Variants in GALNT18 observed in about 807,000 individuals in gnomAD.
The protein encoded by GALNT18 is polypeptide N-acetylgalactosaminyltransferase 18.
Under a neutral mutation model 69.5 loss-of-function variants are expected in GALNT18, and 44 were observed. The observed-to-expected ratio is 0.63, with a 90% CI of 0.50 to 0.81. The LOEUF (loss-of-function observed/expected upper bound fraction) is 0.81, where lower values mean the gene tolerates loss of function less well. GALNT18 is among the 40% of genes least tolerant of loss of function. GALNT18 has a pLI of 0.00. For synonymous variants in GALNT18, 364 were observed against 318.2 expected (o/e 1.14, Z -1.53); for missense variants, 715 against 810.0 (o/e 0.88, Z 1.42).
intron 1 of GALNT18, among the ~76,000 whole-genome samples, chr11:11,452,450 C>A (rs906246466): frequency 6.6e-6 from 1 of 152,222 alleles, no homozygotes; most frequent in Non-Finnish European, 1.5e-5. Flanking sequence ...CCGCACAAAG[C>A]CCACAGCCCT....
At chr11:11,607,551 A>G (rs528256277) in intron 1 of GALNT18, among the ~76,000 whole-genome samples, 1 of 152,370 alleles carries the variant, frequency 6.6e-6, no homozygotes, top group South Asian at 2.1e-4. Flanking sequence ...ATGTATATCA[A>G]AATTATATCA....
intron 2 of GALNT18, among the ~76,000 whole-genome samples, chr11:11,433,263 T>C (rs899927495): frequency 6.6e-6 from 1 of 152,208 alleles, no homozygotes; most frequent in African/African-American, 2.4e-5. Flanking sequence ...TACTTCCCTT[T>C]ACTCCAGAAG....
In GALNT18 at chr11:11,432,354, C is replaced by T. The variant is rs770345587; in HGVS notation, c.595+267G>A. ...TGGTAGGGTAGGAGGTCAGGGCCTT[C>T]TATCTTATCTATTGCACTGGAATAT... On this transcript the variant is annotated intron_variant, in intron 3 of 10. Transcript: ENST00000227756. The surrounding 1 kb of genome is among the most constrained non-coding windows in gnomAD (Gnocchi z 5.8). Among the ~76,000 whole-genome samples the T allele has an allele frequency of 6.6e-6, 1 of 152,186 alleles. No homozygotes were observed. The highest frequency in any genetic ancestry group is 1.5e-5 in the Non-Finnish European group (1 of 68,032).
At position 11,435,800 on chromosome 11, in the gene GALNT18, G is replaced by T. The variant is rs562328750; in HGVS notation, c.429-3013C>A. Among the ~76,000 whole-genome samples the T allele has an allele frequency of 6.6e-6, 1 of 152,186 alleles. No individual in the cohort carries two copies. The highest frequency in any genetic ancestry group is 1.5e-5 in the Non-Finnish European group (1 of 67,996). ...AGAGTCAGGTCCCGGTCCTCCCGCCGACCAGCAGGCTCCTGTTCTCCCATC... is the reference window on the plus strand; with the variant it reads ...AGAGTCAGGTCCCGGTCCTCCCGCCTACCAGCAGGCTCCTGTTCTCCCATC... On this transcript the variant is annotated intron_variant, in intron 2 of 10. Coordinates refer to ENST00000227756, the MANE Select transcript of GALNT18 (RefSeq NM_198516.3). The surrounding 1 kb of genome is among the most constrained non-coding windows in gnomAD (Gnocchi z 4.4).
intron 3 of GALNT18, among the ~76,000 whole-genome samples, chr11:11,420,175 C>T (rs1854970004): frequency 6.6e-6 from 1 of 151,828 alleles, no homozygotes; most frequent in Admixed American, 6.6e-5. Flanking sequence ...AACTGGCTTC[C>T]CAGTCACCAC....
intron 10 of GALNT18, among the ~76,000 whole-genome samples, chr11:11,274,126 G>T (rs1233162824): frequency 6.6e-6 from 1 of 152,170 alleles, no homozygotes; most frequent in Non-Finnish European, 1.5e-5. Context: ...GTGAGAGAGT[G>T]TACCGGGAGG....
intron 1 of GALNT18, among the ~76,000 whole-genome samples, chr11:11,515,484 G>T (rs1264425649): frequency 6.6e-6 from 1 of 152,188 alleles, no homozygotes; most frequent in Non-Finnish European, 1.5e-5. Context: ...CCACCTGTCA[G>T]CCTCAATGAG....
At chr11:11,416,983 A>G (rs1854881092) in intron 3 of GALNT18, among the ~76,000 whole-genome samples, 3 of 152,304 alleles carry the variant, frequency 2.0e-5, no homozygotes, top group Middle Eastern at 6.8e-3. Flanking sequence ...CCCTTCCTCT[A>G]TGTGACTCCT....
intron 10 of GALNT18, among the ~76,000 whole-genome samples, chr11:11,276,053 C>T (rs546411763): frequency 4.6e-5 from 7 of 152,176 alleles, no homozygotes; most frequent in Non-Finnish European, 1.0e-4. Flanking sequence ...AAGTAGTTTT[C>T]TCTAACTCTG....
rs1329751233 is a variant in GALNT18, at chr11:11,604,860, A to G, written c.235+16499T>C. 6.6e-6 allele frequency among the ~76,000 whole-genome samples: 1 copy of G among 152,018 alleles called. No individual in the cohort carries two copies. The highest frequency in any genetic ancestry group is 2.4e-5 in the African/African-American group (1 of 41,386). On this transcript the variant is annotated intron_variant, in intron 1 of 10. Transcript: ENST00000227756. This position sits in a 1 kb window ranked among gnomAD's most constrained non-coding sequence, Gnocchi z 5.6. ...GTCCCCCACACCCCAAAGGCTACAC[A>G]ATCTGTTTGAAATGAAAAGGAAAAT... is the stretch of plus-strand genomic sequence containing the variant.
At position 11,460,876 on chromosome 11, in the gene GALNT18, A is replaced by G. The variant is rs1032855562; in HGVS notation, c.236-11940T>C. On this transcript the variant is annotated intron_variant, in intron 1 of 10. Coordinates refer to ENST00000227756, the MANE Select transcript of GALNT18 (RefSeq NM_198516.3). ...GAACCCTCTGAGAAAAAATGTTAAA[A>G]TTGTTTTTCTTTATAAACTACCCAG... Among the ~76,000 whole-genome samples the G allele has an allele frequency of 7.9e-5, 12 of 152,176 alleles. No individual in the cohort carries two copies. In the East Asian group the frequency reaches 2.3e-3, roughly 29 times the overall value.
At chr11:11,358,859 A>ACACACACACACACACACACACG (rs1554921791) in intron 6 of GALNT18, among the ~76,000 whole-genome samples, 5 of 130,004 alleles carry the variant, frequency 3.8e-5, no homozygotes, top group African/African-American at 1.5e-4. Flanking sequence ...ACACACACAC[A>ACACACACACACACACACACACG]CACGCACAGA....
chr11:11,525,454 A>G, intron 1 of GALNT18, among the ~76,000 whole-genome samples: 1 of 152,132 alleles, frequency 6.6e-6, no homozygotes, highest in East Asian at 1.9e-4. Flanking sequence ...GAAACATTTC[A>G]GTGGCGAAAT....
At chr11:11,447,183 C>T (rs1855675272) in intron 2 of GALNT18, among the ~76,000 whole-genome samples, 1 of 152,176 alleles carries the variant, frequency 6.6e-6, no homozygotes, top group Non-Finnish European at 1.5e-5. Context: ...GGCCTTTGCA[C>T]TTGCCACTTC....
chr11:11,485,424 G>A, intron 1 of GALNT18, among the ~76,000 whole-genome samples: 1 of 152,222 alleles, frequency 6.6e-6, no homozygotes, highest in South Asian at 2.1e-4. Context: ...GTTTACCAGT[G>A]TATTATAAAG....
Position 11,618,362 on chromosome 11 carries a change from T to C in GALNT18, c.235+2997A>G, listed in dbSNP as rs749821132. ...ATCCACGCTTCCACCCCACAGCTAC[T>C]TTCTGCAGAATGTGCCAGGGACTGT... is the stretch of plus-strand genomic sequence containing the variant. On this transcript the variant is annotated intron_variant, in intron 1 of 10. Transcript: ENST00000227756. The surrounding 1 kb of genome is among the most constrained non-coding windows in gnomAD (Gnocchi z 6.1). Among the ~76,000 whole-genome samples, 2 of 152,222 alleles carry C rather than the reference T, an allele frequency of 1.3e-5. No homozygotes were observed. Among genetic ancestry groups the C allele is most frequent in the Non-Finnish European group, 2.9e-5 (2 of 68,034 alleles).
In GALNT18 at chr11:11,279,267, CTTTAA is replaced by C. The variant is rs566245982; in HGVS notation, c.1678-7982_1678-7978del. Among the ~76,000 whole-genome samples, 590 of 151,762 alleles carry C rather than the reference CTTTAA, an allele frequency of 3.9e-3. 4 individuals carry two copies. The highest frequency in any genetic ancestry group is 6.8e-3 in the Middle Eastern group (2 of 292). ...ATCATGAGCCAATTATACCTCTTTT[CTTTAA>C]TTTCTTTGTAGCAATGCAAGAATGG... On this transcript the variant is annotated intron_variant, in intron 10 of 10. Coordinates refer to ENST00000227756, the MANE Select transcript of GALNT18 (RefSeq NM_198516.3).
chr11:11,411,932 G>A (rs375717145), intron 3 of GALNT18, among the ~76,000 whole-genome samples: 1 of 152,276 alleles, frequency 6.6e-6, no homozygotes, highest in Non-Finnish European at 1.5e-5. Context: ...ACTGGTTCTG[G>A]GCCATATTGG....
chr11:11,271,193 G>T lies in GALNT18; in HGVS notation c.1775C>A (p.Ser592Ter). 4 of 1,614,050 alleles carry T rather than the reference G, an allele frequency of 2.5e-6. No individual in the cohort carries two copies. Among genetic ancestry groups the T allele is most frequent in the Non-Finnish European group, 3.4e-6 (4 of 1,179,974 alleles). ...GTTGGTGATGCTCCAGTGCTGGCCC[G>T]AGCACTTCTGCAACACCAGCTGGAA... Reference protein sequence around the residue: ...FGFQLVLQKCSGQHWSITNVL... With the variant: ...FGFQLVLQKC Residue 592 changes from serine (S) to a stop codon, truncating the protein, a stop_gained, in exon 11 of 11, where the codon TCG (serine) becomes TAG (stop). Coordinates refer to ENST00000227756, the MANE Select transcript of GALNT18 (RefSeq NM_198516.3). LOFTEE classifies it high-confidence loss of function.
Sources: allele counts gnomAD v4.1 joint callset (sites outside exome capture counted in the v4.1 genomes callset), GRCh38; gene constraint gnomAD v4.1.1; non-coding constraint Gnocchi (gnomAD v3.1); transcripts MANE v1.5; gene names NCBI Gene and HGNC (gene_info 2026-07-23, HGNC 2026-07-21).